The following SORCS1 variants were observed in gnomAD, a reference collection of about 807,000 sequenced individuals.
The protein encoded by SORCS1 is VPS10 domain-containing receptor SorCS1.
In SORCS1, 60 loss-of-function variants were observed where a neutral mutation model predicts 146.1. That is an observed-to-expected ratio of 0.41 (90% CI 0.33 to 0.51). The LOEUF (loss-of-function observed/expected upper bound fraction) is 0.51. Ranked by LOEUF, SORCS1 falls within the 20% of genes least tolerant of loss-of-function variation. The pLI is 0.21. For synonymous variants in SORCS1, 637 were observed against 584.0 expected, an observed-to-expected ratio of 1.09 and a Z score of -1.31; for missense variants, 1,352 against 1,487.6, an observed-to-expected ratio of 0.91 and a Z score of 1.50.
At chr10:106,634,635 C>T (rs1283710078) in intron 18 of SORCS1, among the ~76,000 whole-genome samples, 1 of 152,152 alleles carries the variant, frequency 6.6e-6, no homozygotes, top group East Asian at 1.9e-4. Flanking sequence ...GCATTATTTT[C>T]TTTTCTTGCT....
intron 2 of SORCS1, among the ~76,000 whole-genome samples, chr10:106,885,650 G>C (rs1262544680): frequency 6.6e-6 from 1 of 152,152 alleles, no homozygotes; most frequent in African/African-American, 2.4e-5. Flanking sequence ...TTCTAATATA[G>C]TGTAAGAAAA....
intron 1 of SORCS1, among the ~76,000 whole-genome samples, chr10:107,141,916 G>A (rs1426758116): frequency 6.6e-6 from 1 of 152,216 alleles, no homozygotes; most frequent in Non-Finnish European, 1.5e-5. Context: ...TTGTAAAATA[G>A]TCTAATTCCT....
intron 1 of SORCS1, among the ~76,000 whole-genome samples, chr10:107,038,362 G>A (rs142411212): frequency 4.3e-5 from 6 of 139,814 alleles, no homozygotes; most frequent in Non-Finnish European, 9.3e-5. Flanking sequence ...TAATGTATAC[G>A]GGTCCTAAAA....
intron 10 of SORCS1, among the ~76,000 whole-genome samples, chr10:106,683,254 A>T (rs1852579197): frequency 6.6e-6 from 1 of 152,198 alleles, no homozygotes; most frequent in South Asian, 2.1e-4. Context: ...TAACTGATCC[A>T]TTATTATTGT....
chr10:106,641,821 T>C (rs867201138), intron 18 of SORCS1, among the ~76,000 whole-genome samples: 23 of 152,168 alleles, frequency 1.5e-4, no homozygotes, highest in Admixed American at 2.0e-4. Flanking sequence ...TAATTTATTA[T>C]TAATCTTTTT....
At chr10:106,985,234 A>C (rs1458778871) in intron 1 of SORCS1, among the ~76,000 whole-genome samples, 1 of 152,158 alleles carries the variant, frequency 6.6e-6, no homozygotes, top group Non-Finnish European at 1.5e-5. Flanking sequence ...TAGGGTGAGC[A>C]AATCATGTAG....
intron 12 of SORCS1, among the ~76,000 whole-genome samples, chr10:106,678,302 T>C (rs1465502094): frequency 6.6e-6 from 1 of 152,182 alleles, no homozygotes; most frequent in Non-Finnish European, 1.5e-5. Context: ...CTTAGAATAG[T>C]CCAGGTTTCT....
chr10:107,082,509 G>A (rs191535139), intron 1 of SORCS1, among the ~76,000 whole-genome samples: 3 of 151,188 alleles, frequency 2.0e-5, no homozygotes, highest in South Asian at 2.1e-4. Flanking sequence ...ACAGAGTCAC[G>A]CTCTGTCGCA....
At chr10:107,094,135 T>C (rs1210204872) in intron 1 of SORCS1, among the ~76,000 whole-genome samples, 1 of 152,202 alleles carries the variant, frequency 6.6e-6, no homozygotes, top group African/African-American at 2.4e-5. Flanking sequence ...CTAATGTATA[T>C]ATTTTCTCTT....
In SORCS1 at chr10:106,992,813, CCTTTCTTTCTTT is replaced by C. The variant is rs201591173; in HGVS notation, c.559-36245_559-36234del. 8.4e-4 allele frequency among the ~76,000 whole-genome samples: 109 copies of C among 129,550 alleles called. 1 individual carries two copies. The highest frequency in any genetic ancestry group is 3.4e-3 in the African/African-American group (101 of 29,956). The allele number at this position is 129,550 out of a possible 152,430, so 85.0% of individuals were successfully genotyped here. Reference sequence around the variant, plus strand: ...ACCAGGCCGAGCTAATTTCTTTCTTCCTTTCTTTCTTTCTTTTTTTTTTTTTTTTTTTTTTTT... The same window carrying C: ...ACCAGGCCGAGCTAATTTCTTTCTTCCTTTTTTTTTTTTTTTTTTTTTTTT... On this transcript the variant is annotated intron_variant, in intron 1 of 25. Transcript: ENST00000263054.
intron 2 of SORCS1, among the ~76,000 whole-genome samples, chr10:106,863,587 ATT>A (rs1282860575): frequency 5.1e-5 from 7 of 137,038 alleles, no homozygotes; most frequent in Admixed American, 7.4e-5. Context: ...AATAGAGATG[ATT>A]TTTTTTTTTT....
At chr10:106,985,402 C>G (rs1438477298) in intron 1 of SORCS1, among the ~76,000 whole-genome samples, 1 of 151,826 alleles carries the variant, frequency 6.6e-6, no homozygotes, top group Non-Finnish European at 1.5e-5. Context: ...CATAGAAAAC[C>G]CAGAATTACG....
At chr10:107,039,137 G>T (rs1959049145) in intron 1 of SORCS1, among the ~76,000 whole-genome samples, 1 of 152,002 alleles carries the variant, frequency 6.6e-6, no homozygotes, top group Non-Finnish European at 1.5e-5. Flanking sequence ...AGACCATCCT[G>T]GCTAACAAGG....
In SORCS1 at chr10:106,818,904, T is replaced by C. The variant is rs565035137; in HGVS notation, c.726+10670A>G. On this transcript the variant is annotated intron_variant, in intron 3 of 25. Coordinates refer to ENST00000263054, the MANE Select transcript of SORCS1 (RefSeq NM_052918.5). ...CTCCAAAGATAGAGTTCTATGTACA[T>C]AGCTATCATGATACATAAGTACTGT... is the stretch of plus-strand genomic sequence containing the variant. Among the ~76,000 whole-genome samples the C allele has an allele frequency of 2.1e-4, 32 of 152,306 alleles. No homozygotes were observed. In the South Asian group the frequency reaches 4.6e-3, roughly 22 times the overall value.
intron 20 of SORCS1, among the ~76,000 whole-genome samples, chr10:106,618,863 T>G (rs567113936): frequency 6.6e-6 from 1 of 151,988 alleles, no homozygotes; most frequent in Non-Finnish European, 1.5e-5. Flanking sequence ...ACTAATTGGA[T>G]AGTGGTTTGA....
At chr10:107,122,233 T>C (rs746877017) in intron 1 of SORCS1, among the ~76,000 whole-genome samples, 46 of 152,366 alleles carry the variant, frequency 3.0e-4, no homozygotes, top group Middle Eastern at 6.8e-3. Context: ...GGGCCTGCCA[T>C]TCCTGACCTT....
intron 4 of SORCS1, among the ~76,000 whole-genome samples, chr10:106,774,073 T>C (rs1353370006): frequency 6.6e-6 from 1 of 152,186 alleles, no homozygotes; most frequent in Non-Finnish European, 1.5e-5. Flanking sequence ...CTCTTAGATA[T>C]TTAGATCCTT....
At chr10:107,021,834 G>T (rs943766) in intron 1 of SORCS1, among the ~76,000 whole-genome samples, 53,119 of 151,844 alleles carry the variant, frequency 0.35, 9,359 homozygotes, top group Admixed American at 0.4. Flanking sequence ...ATTTTGCTTT[G>T]GTTTAAGCAA....
intron 1 of SORCS1, among the ~76,000 whole-genome samples, chr10:107,014,841 A>G (rs1325763123): frequency 6.6e-6 from 1 of 152,192 alleles, no homozygotes; most frequent in Non-Finnish European, 1.5e-5. Flanking sequence ...ATGAGTTTGA[A>G]TATGTACATA....
Sources: allele counts gnomAD v4.1 joint callset (sites outside exome capture counted in the v4.1 genomes callset), GRCh38; gene constraint gnomAD v4.1.1; transcripts MANE v1.5; gene names NCBI Gene and HGNC (gene_info 2026-07-23, HGNC 2026-07-21).